RBMS1: variants seen among roughly 807,000 people sequenced by gnomAD.
RBMS1 encodes the protein RNA binding motif single stranded interacting protein 1, also known as RNA-binding motif, single-stranded-interacting protein 1.
Under a neutral mutation model 62.3 loss-of-function variants are expected in RBMS1, and 17 were observed. The ratio of observed to expected loss-of-function variants is 0.27; its 90% CI spans 0.19 to 0.41. RBMS1 has a LOEUF of 0.41. Among genes scored for constraint, RBMS1 ranks in the 10% least tolerant of loss-of-function variants. RBMS1 has a pLI of 1.00. For synonymous variants in RBMS1, 172 were observed against 170.0 expected (o/e 1.01, Z -0.09); for missense variants, 334 against 504.5 (o/e 0.66, Z 3.24).
At chr2:160,457,842 T>A (rs1270491024) in intron 1 of RBMS1, among the ~76,000 whole-genome samples, 1 of 152,090 alleles carries the variant, frequency 6.6e-6, no homozygotes, top group Non-Finnish European at 1.5e-5. Context: ...CATTCTCGGG[T>A]GCAGCTCACT....
At chr2:160,360,863 C>T (rs967440771) in intron 2 of RBMS1, among the ~76,000 whole-genome samples, 4 of 152,070 alleles carry the variant, frequency 2.6e-5, no homozygotes, top group African/African-American at 9.7e-5. Context: ...TACTGTTTCA[C>T]CTTTTAAGAT....
intron 1 of RBMS1, among the ~76,000 whole-genome samples, chr2:160,450,427 CT>C (rs1329938486): frequency 6.6e-6 from 1 of 151,896 alleles, no homozygotes; most frequent in Non-Finnish European, 1.5e-5. Flanking sequence ...GTAATCCCAG[CT>C]ACTTGGGAGG....
intron 1 of RBMS1, among the ~76,000 whole-genome samples, chr2:160,492,132 T>G (rs1210303137): frequency 1.3e-5 from 2 of 152,162 alleles, no homozygotes; most frequent in East Asian, 3.9e-4. Context: ...CAGAGCATGA[T>G]TACAACCTCC....
chr2:160,324,882 G>GTGTGTATATATATATATATATA (rs1206910746), intron 2 of RBMS1, among the ~76,000 whole-genome samples: 1 of 100,016 alleles, frequency 1.0e-5, no homozygotes. Context: ...GTGTGTGTGT[G>GTGTGTATATATATATATATATA]TATATATATA....
At chr2:160,452,163 G>A (rs1345400728) in intron 1 of RBMS1, among the ~76,000 whole-genome samples, 1 of 151,976 alleles carries the variant, frequency 6.6e-6, no homozygotes, top group African/African-American at 2.4e-5. Context: ...GATCAGTTAT[G>A]AGAAGGCTCT....
chr2:160,349,417 G>A (rs1197271609), intron 2 of RBMS1, among the ~76,000 whole-genome samples: 1 of 152,132 alleles, frequency 6.6e-6, no homozygotes, highest in Admixed American at 6.6e-5. Context: ...CAGGATGATA[G>A]AGAAGAATAT....
chr2:160,307,878 T>C (rs1689625162), intron 4 of RBMS1, among the ~76,000 whole-genome samples: 1 of 152,166 alleles, frequency 6.6e-6, no homozygotes, highest in Non-Finnish European at 1.5e-5. Context: ...TTTTGCAATT[T>C]AGTTTTGAAT....
At chr2:160,492,429 T>G (rs1307736296) in intron 1 of RBMS1, among the ~76,000 whole-genome samples, 1 of 152,206 alleles carries the variant, frequency 6.6e-6, no homozygotes, top group Non-Finnish European at 1.5e-5. Flanking sequence ...TATGGCTACA[T>G]GTCATCAACT....
At chr2:160,390,858 A>G (rs1191530506) in intron 1 of RBMS1, among the ~76,000 whole-genome samples, 2 of 147,958 alleles carry the variant, frequency 1.4e-5, no homozygotes, top group African/African-American at 5.0e-5. Context: ...TCTGTAAAGA[A>G]ATATCTTCTA....
chr2:160,455,782 C>T (rs1044208491), intron 1 of RBMS1, among the ~76,000 whole-genome samples: 1 of 147,918 alleles, frequency 6.8e-6, no homozygotes, highest in Admixed American at 6.9e-5. Context: ...CTCCCGGGTT[C>T]ACGCCATTCT....
At chr2:160,459,490 A>G (rs1684377383) in intron 1 of RBMS1, among the ~76,000 whole-genome samples, 1 of 151,896 alleles carries the variant, frequency 6.6e-6, no homozygotes, top group Non-Finnish European at 1.5e-5. Flanking sequence ...TGAAAGTGAT[A>G]CACATGTTAA....
intron 1 of RBMS1, among the ~76,000 whole-genome samples, chr2:160,470,764 G>A (rs1684883082): frequency 6.6e-6 from 1 of 152,092 alleles, no homozygotes; most frequent in Admixed American, 6.6e-5. Context: ...CTCAGAGTGG[G>A]GGGGGTATGA....
chr2:160,406,818 T>G (rs956773135), intron 1 of RBMS1, among the ~76,000 whole-genome samples: 1 of 152,224 alleles, frequency 6.6e-6, no homozygotes, highest in Admixed American at 6.5e-5. Context: ...GAGTTCAATC[T>G]GTTAAAAAAT....
chr2:160,324,905 T>TATATATATATATAC (rs1553508414), intron 2 of RBMS1, among the ~76,000 whole-genome samples: 11 of 118,690 alleles, frequency 9.3e-5, no homozygotes, highest in Admixed American at 1.6e-4. Flanking sequence ...TATATATATA[T>TATATATATATATAC]ATACACACAC....
chr2:160,326,761 G>T (rs531220283), intron 2 of RBMS1, among the ~76,000 whole-genome samples: 1 of 152,150 alleles, frequency 6.6e-6, no homozygotes, highest in Non-Finnish European at 1.5e-5. Context: ...CGAGACGGAG[G>T]GGGTGAATGG....
intron 2 of RBMS1, among the ~76,000 whole-genome samples, chr2:160,363,980 T>C (rs1245737461): frequency 6.6e-6 from 1 of 151,958 alleles, no homozygotes; most frequent in Admixed American, 6.6e-5. Context: ...GAAGGCAAAA[T>C]AAAAATGGCT....
intron 6 of RBMS1, among the ~76,000 whole-genome samples, chr2:160,287,398 C>A (rs79260791): frequency 6.8e-4 from 103 of 152,280 alleles, no homozygotes; most frequent in African/African-American, 2.2e-3. Flanking sequence ...CACCTCTGGA[C>A]CGTCACCAAA....
Position 160,356,776 on chromosome 2 carries a change from T to C in RBMS1, c.251+10440A>G, listed in dbSNP as rs560365896. On this transcript the variant is annotated intron_variant, in intron 2 of 13. Transcript: ENST00000348849. Reference sequence around the variant, plus strand: ...TTACCTAATTTGTGGTATTCTATTATAGCAGCAGATAACAGACTAAGACAG... The same window carrying C: ...TTACCTAATTTGTGGTATTCTATTACAGCAGCAGATAACAGACTAAGACAG... Among the ~76,000 whole-genome samples, 8 of 152,256 alleles carry C rather than the reference T, an allele frequency of 5.3e-5. No homozygotes were observed. The South Asian group carries it at 6.2e-4, about 12-fold the overall frequency.
At chr2:160,452,418 C>T (rs918434430) in intron 1 of RBMS1, among the ~76,000 whole-genome samples, 1 of 152,194 alleles carries the variant, frequency 6.6e-6, no homozygotes, top group African/African-American at 2.4e-5. Flanking sequence ...AACCTAGGGA[C>T]ATCCCCCTGT....
Sources: allele counts gnomAD v4.1 joint callset (sites outside exome capture counted in the v4.1 genomes callset), GRCh38; gene constraint gnomAD v4.1.1; transcripts MANE v1.5; gene names NCBI Gene and HGNC (gene_info 2026-07-23, HGNC 2026-07-21).